The following FOXN3 variants were observed in gnomAD, a reference collection of about 807,000 sequenced individuals.
FOXN3 encodes the protein forkhead box protein N3.
A neutral mutation model predicts 38.4 loss-of-function variants in FOXN3; 7 were observed. The observed-to-expected ratio is 0.18, with a 90% CI of 0.10 to 0.34. FOXN3 has a LOEUF of 0.34. Ranked by LOEUF, FOXN3 falls within the 10% of genes least tolerant of loss-of-function variation. The pLI, the probability that FOXN3 is intolerant of heterozygous loss-of-function variation, is 1.00. For missense variants in FOXN3, 456 were observed against 613.4 expected (o/e 0.74, Z 2.71); for synonymous variants, 230 against 242.2 (o/e 0.95, Z 0.47).
rs906997961 is a variant in FOXN3, at chr14:89,558,801, G to A, written c.-15+60227C>T. ...TGGGTACACCATTGCCCCAGCTGCC[G>A]TAGGCTCACAGCTGGAAGGTCGGGG... On this transcript the variant is annotated intron_variant, in intron 1 of 6. Transcript: ENST00000345097. 5.9e-5 allele frequency among the ~76,000 whole-genome samples: 9 copies of A among 152,304 alleles called. No homozygotes were observed. The East Asian group carries it at 7.7e-4, about 13-fold the overall frequency.
intron 2 of FOXN3, among the ~76,000 whole-genome samples, chr14:89,358,874 A>G (rs1889343022): frequency 6.6e-6 from 1 of 152,228 alleles, no homozygotes; most frequent in Non-Finnish European, 1.5e-5. Flanking sequence ...GGACTTGGGC[A>G]AAATACATAA....
upstream of FOXN3, among the ~76,000 whole-genome samples, chr14:89,419,951 C>A (rs1047788701): frequency 6.6e-6 from 1 of 152,196 alleles, no homozygotes; most frequent in African/African-American, 2.4e-5. Context: ...GAGTCCGAGG[C>A]AGGCCTGGAA....
intron 1 of FOXN3, among the ~76,000 whole-genome samples, chr14:89,542,068 G>C (rs1458754199): frequency 6.6e-6 from 1 of 152,118 alleles, no homozygotes; most frequent in Non-Finnish European, 1.5e-5. Context: ...AGAAAGTAAA[G>C]TGGTGAAAGA....
chr14:89,582,496 T>C (rs1052679444), intron 1 of FOXN3, among the ~76,000 whole-genome samples: 1 of 148,410 alleles, frequency 6.7e-6, no homozygotes, highest in African/African-American at 2.5e-5. Context: ...CCTTTTTTTT[T>C]TTTTTTTTTT....
intron 1 of FOXN3, among the ~76,000 whole-genome samples, chr14:89,599,990 C>T (rs921051004): frequency 3.9e-5 from 6 of 152,200 alleles, no homozygotes; most frequent in Admixed American, 3.9e-4. Context: ...GTTCACCTCT[C>T]TGAGTTTTCT....
intron 1 of FOXN3, among the ~76,000 whole-genome samples, chr14:89,596,559 A>T (rs1896060264): frequency 6.6e-6 from 1 of 152,158 alleles, no homozygotes; most frequent in Non-Finnish European, 1.5e-5. Flanking sequence ...AGCTGGGAGT[A>T]TTCCTTCTTT....
intron 1 of FOXN3, among the ~76,000 whole-genome samples, chr14:89,604,674 A>G (rs569645114): frequency 3.3e-5 from 5 of 152,312 alleles, no homozygotes; most frequent in African/African-American, 1.2e-4. Context: ...ACAAAATTAT[A>G]AAGCCCCAAA....
intron 3 of FOXN3, among the ~76,000 whole-genome samples, chr14:89,340,695 T>C (rs370255844): frequency 6.6e-6 from 1 of 152,052 alleles, no homozygotes; most frequent in African/African-American, 2.4e-5. Flanking sequence ...ATTCAGTGGA[T>C]AAACAATAGG....
chr14:89,334,252 GGAGT>G (rs1177689004), intron 3 of FOXN3, among the ~76,000 whole-genome samples: 1 of 151,778 alleles, frequency 6.6e-6, no homozygotes, highest in Non-Finnish European at 1.5e-5. Flanking sequence ...TTGGGGTTGG[GGAGT>G]GAGGCGGGCT....
rs1555355291 is a variant in FOXN3 at position 89,463,094 on chromosome 14, T to TG, written c.-14-50605_-14-50604insC. Among the ~76,000 whole-genome samples the TG allele has an allele frequency of 3.6e-3, 544 of 150,016 alleles. 3 individuals are homozygous for TG. Among genetic ancestry groups the TG allele is most frequent in the African/African-American group, 8.3e-3 (338 of 40,842 alleles). On this transcript the variant is annotated intron_variant, in intron 1 of 6. Transcript: ENST00000345097. ...TCACGAGGTCAGGAGATTGAGAAGA[T>TG]CTGGCTAACACGGTGAAACCCCGTC...
chr14:89,398,595 G>A (rs1891160627), intron 2 of FOXN3, among the ~76,000 whole-genome samples: 1 of 152,160 alleles, frequency 6.6e-6, no homozygotes, highest in Non-Finnish European at 1.5e-5. Flanking sequence ...CATGTTCTCT[G>A]GCATGTTAAT....
At chr14:89,453,412 T>C (rs1431638836) in intron 1 of FOXN3, among the ~76,000 whole-genome samples, 18 of 150,738 alleles carry the variant, frequency 1.2e-4, no homozygotes, top group African/African-American at 4.4e-4. Context: ...AAAAAAAAAT[T>C]AACCGGGCGT....
At chr14:89,380,464 T>C (rs8023084) in intron 2 of FOXN3, among the ~76,000 whole-genome samples, 2,299 of 152,298 alleles carry the variant, frequency 0.015, 55 homozygotes, top group African/African-American at 0.053. Flanking sequence ...AACTCCTCAA[T>C]CATGTTAACA....
intron 5 of FOXN3, among the ~76,000 whole-genome samples, chr14:89,179,907 G>A (rs1005898533): frequency 2.0e-5 from 3 of 152,240 alleles, no homozygotes; most frequent in South Asian, 2.1e-4. Context: ...CATTTGGCTC[G>A]AGGAGAAGGA....
At chr14:89,511,242 CTTTCT>C (rs1292469137) in intron 1 of FOXN3, among the ~76,000 whole-genome samples, 6 of 17,634 alleles carry the variant, frequency 3.4e-4, no homozygotes, top group African/African-American at 6.4e-4. Context: ...CTTTCCTTTT[CTTTCT>C]TTTCTTTCTT....
At chr14:89,418,519 A>G (rs78932264), upstream of FOXN3, among the ~76,000 whole-genome samples, 6,877 of 144,656 alleles carry the variant, frequency 0.048, 198 homozygotes, top group East Asian at 0.1. Flanking sequence ...AGACCTTACT[A>G]CTTCCAAGTT....
intron 3 of FOXN3, among the ~76,000 whole-genome samples, chr14:89,335,470 C>T (rs74078099): frequency 0.028 from 4,205 of 152,298 alleles, 197 homozygotes; most frequent in African/African-American, 0.097. Context: ...ATCATTCCTA[C>T]GATCTAAGTC....
At chr14:89,580,273 A>G (rs1317494885) in intron 1 of FOXN3, among the ~76,000 whole-genome samples, 1 of 152,240 alleles carries the variant, frequency 6.6e-6, no homozygotes, top group Non-Finnish European at 1.5e-5. Flanking sequence ...TCTTACAGAC[A>G]TGTTAGGAGG....
At chr14:89,350,528 C>CGTA in intron 3 of FOXN3, 144 bp downstream of exon 3, 1 of 672,818 alleles carries the variant, frequency 1.5e-6, no homozygotes, top group Admixed American at 3.6e-5. Flanking sequence ...GTGGATATGC[C>CGTA]TCCTAATAAT....
Sources: allele counts gnomAD v4.1 joint callset (sites outside exome capture counted in the v4.1 genomes callset), GRCh38; gene constraint gnomAD v4.1.1; transcripts MANE v1.5; gene names NCBI Gene and HGNC (gene_info 2026-07-23, HGNC 2026-07-21).